The following GRIA4 variants were observed in gnomAD, a reference collection of about 807,000 sequenced individuals.
The protein encoded by GRIA4 is glutamate receptor 4.
In GRIA4, 34 loss-of-function variants were observed where a neutral mutation model predicts 104.0. The observed-to-expected ratio is 0.33, with a 90% CI of 0.25 to 0.44. The LOEUF (loss-of-function observed/expected upper bound fraction) is 0.44. Among genes scored for constraint, GRIA4 ranks in the 20% least tolerant of loss-of-function variants. The probability of loss-of-function intolerance (pLI) is 1.00; values close to 1 mark genes in which losing one functional copy is unlikely to be tolerated. For synonymous variants in GRIA4, 386 were observed against 381.9 expected (o/e 1.01, Z -0.13); for missense variants, 750 against 1,096.5 (o/e 0.68, Z 4.46).
At position 105,918,872 on chromosome 11, in the gene GRIA4, C is replaced by T; in HGVS notation, c.1430C>T (p.Ala477Val). 6.2e-7 allele frequency: 1 copy of T among 1,610,912 alleles called. No individual in the cohort carries two copies. The highest frequency in any genetic ancestry group is 8.5e-7 in the Non-Finnish European group (1 of 1,177,372). ...GATGGAAAATATGGAGCAAGGGATG[C>T]AGACACAAAAATCTGGAATGGGATG... ...VPDGKYGARD[A>V]DTKIWNGMVG... Residue 477 changes from alanine (A) to valine (V), a missense_variant, in exon 11 of 17, where the codon GCA (alanine) becomes GTA (valine). Coordinates refer to ENST00000282499, the MANE Select transcript of GRIA4 (RefSeq NM_000829.4).
intron 6 of GRIA4, among the ~76,000 whole-genome samples, chr11:105,888,376 C>T (rs1299690949): frequency 2.0e-5 from 3 of 146,914 alleles, no homozygotes; most frequent in African/African-American, 5.0e-5. Context: ...CTCCGCCTCC[C>T]GGGTTCACGC....
chr11:105,683,786 A>G (rs1459053243), intron 3 of GRIA4, among the ~76,000 whole-genome samples: 1 of 152,224 alleles, frequency 6.6e-6, no homozygotes, highest in Non-Finnish European at 1.5e-5. Flanking sequence ...CCCTTATGAC[A>G]AAAGCAAAGC....
intron 4 of GRIA4, among the ~76,000 whole-genome samples, chr11:105,828,598 AT>A (rs1244066990): frequency 6.6e-6 from 1 of 151,710 alleles, no homozygotes; most frequent in Non-Finnish European, 1.5e-5. Flanking sequence ...TAAACATGAC[AT>A]TTTGCCAGTC....
intron 14 of GRIA4, among the ~76,000 whole-genome samples, chr11:105,969,104 C>T (rs1858547610): frequency 6.6e-6 from 1 of 152,128 alleles, no homozygotes; most frequent in African/African-American, 2.4e-5. Context: ...AATGCTTTCT[C>T]TAGGTATTAT....
intron 5 of GRIA4, among the ~76,000 whole-genome samples, chr11:105,867,177 C>T (rs947326574): frequency 6.6e-6 from 1 of 152,206 alleles, no homozygotes; most frequent in East Asian, 1.9e-4. Context: ...CTAAAAGCCA[C>T]GGCTGACCTC....
intron 14 of GRIA4, among the ~76,000 whole-genome samples, chr11:105,940,621 T>A (rs1437843031): frequency 1.3e-5 from 2 of 152,158 alleles, no homozygotes; most frequent in African/African-American, 4.8e-5. Flanking sequence ...GATGCTGCTT[T>A]AATGCAGTTT....
At chr11:105,742,162 T>C (rs1385784277) in intron 3 of GRIA4, among the ~76,000 whole-genome samples, 1 of 152,160 alleles carries the variant, frequency 6.6e-6, no homozygotes, top group African/African-American at 2.4e-5. Flanking sequence ...TATAAGCTAC[T>C]TCATGTGTTC....
chr11:105,957,652 C>G (rs2435294), intron 14 of GRIA4, among the ~76,000 whole-genome samples: 1 of 151,968 alleles, frequency 6.6e-6, no homozygotes, highest in African/African-American at 2.4e-5. Flanking sequence ...GTGAAGAAAG[C>G]CATTGGTAGC....
intron 3 of GRIA4, among the ~76,000 whole-genome samples, chr11:105,683,341 C>G (rs1184099456): frequency 6.6e-6 from 1 of 151,546 alleles, no homozygotes; most frequent in Non-Finnish European, 1.5e-5. Flanking sequence ...CAGAATTAAT[C>G]TGAAGCAGTA....
intron 4 of GRIA4, among the ~76,000 whole-genome samples, chr11:105,799,704 C>T (rs114616630): frequency 1.4e-3 from 212 of 152,114 alleles, no homozygotes; most frequent in African/African-American, 4.7e-3. Context: ...CCTATGAAGG[C>T]TTCAATTTTT....
At chr11:105,967,816 G>T (rs375977464) in intron 14 of GRIA4, among the ~76,000 whole-genome samples, 4 of 152,054 alleles carry the variant, frequency 2.6e-5, no homozygotes, top group African/African-American at 9.6e-5. Flanking sequence ...CATACAAGAT[G>T]ATATTTTAAA....
At chr11:105,815,455 G>T (rs1281270198) in intron 4 of GRIA4, among the ~76,000 whole-genome samples, 1 of 152,122 alleles carries the variant, frequency 6.6e-6, no homozygotes, top group Non-Finnish European at 1.5e-5. Flanking sequence ...CCTTCCCAGA[G>T]CCCTGCTATT....
intron 15 of GRIA4, among the ~76,000 whole-genome samples, chr11:105,972,378 A>G (rs1189520452): frequency 6.6e-6 from 1 of 152,196 alleles, no homozygotes; most frequent in Non-Finnish European, 1.5e-5. Context: ...ATGTTATTTC[A>G]AGAACTGATA....
intron 4 of GRIA4, among the ~76,000 whole-genome samples, chr11:105,779,142 T>C (rs1941594455): frequency 6.6e-6 from 1 of 151,822 alleles, no homozygotes; most frequent in East Asian, 1.9e-4. Context: ...TGCATAGTAT[T>C]CCATGGTGTA....
intron 3 of GRIA4, among the ~76,000 whole-genome samples, chr11:105,737,269 C>A (rs1939012038): frequency 6.6e-6 from 1 of 151,824 alleles, no homozygotes; most frequent in African/African-American, 2.4e-5. Context: ...TGAATACAGC[C>A]AAAAAATAAC....
intron 4 of GRIA4, among the ~76,000 whole-genome samples, chr11:105,844,456 T>A (rs1175998527): frequency 6.6e-6 from 1 of 152,216 alleles, no homozygotes; most frequent in Non-Finnish European, 1.5e-5. Context: ...AGCTGTATAT[T>A]CCAGACCCTA....
At chr11:105,885,421 T>C (rs1342071054) in intron 5 of GRIA4, among the ~76,000 whole-genome samples, 1 of 152,188 alleles carries the variant, frequency 6.6e-6, no homozygotes, top group Admixed American at 6.5e-5. Context: ...TCTGGCAATA[T>C]AAAACATGGA....
chr11:105,864,147 TTG>T (rs796697961), intron 5 of GRIA4, among the ~76,000 whole-genome samples: 4 of 152,326 alleles, frequency 2.6e-5, no homozygotes, highest in African/African-American at 9.6e-5. Context: ...GTCTACTGCA[TTG>T]TGAGAAAATA....
chr11:105,617,102 T>C (rs927027882), intron 3 of GRIA4, among the ~76,000 whole-genome samples: 1 of 146,550 alleles, frequency 6.8e-6, no homozygotes, highest in Non-Finnish European at 1.5e-5. Flanking sequence ...CATCCTGGCA[T>C]TGGGAAATAT....
Sources: allele counts gnomAD v4.1 joint callset (sites outside exome capture counted in the v4.1 genomes callset), GRCh38; gene constraint gnomAD v4.1.1; transcripts MANE v1.5; gene names NCBI Gene and HGNC (gene_info 2026-07-23, HGNC 2026-07-21).